Variants in FSTL5 observed in about 807,000 individuals in gnomAD.
The protein encoded by FSTL5 is follistatin like 5.
In FSTL5, 62 loss-of-function variants were observed where a neutral mutation model predicts 89.1. The ratio of observed to expected loss-of-function variants is 0.70; its 90% CI spans 0.57 to 0.86. The LOEUF is 0.86. Ranked by LOEUF, FSTL5 falls within the 40% of genes least tolerant of loss-of-function variation. The pLI is 0.00. For missense variants in FSTL5, 1,057 were observed against 1,001.6 expected (o/e 1.06, Z -0.75); for synonymous variants, 383 against 346.2 (o/e 1.11, Z -1.18).
intron 4 of FSTL5, among the ~76,000 whole-genome samples, chr4:161,811,803 A>G (rs527472135): frequency 1.3e-5 from 2 of 152,310 alleles, no homozygotes; most frequent in African/African-American, 4.8e-5. Flanking sequence ...GTGCCTTAGC[A>G]TCAAATATTT....
At chr4:162,115,504 T>G (rs1039977465) in intron 1 of FSTL5, among the ~76,000 whole-genome samples, 1 of 152,204 alleles carries the variant, frequency 6.6e-6, no homozygotes, top group Non-Finnish European at 1.5e-5. Context: ...ATTGGCAGTT[T>G]GTTGACAGCT....
At chr4:161,440,325 T>G (rs2126365660) in intron 15 of FSTL5, among the ~76,000 whole-genome samples, 1 of 152,080 alleles carries the variant, frequency 6.6e-6, no homozygotes, top group Non-Finnish European at 1.5e-5. Context: ...GTGTCCAAAC[T>G]TTTGGCTTCC....
intron 2 of FSTL5, among the ~76,000 whole-genome samples, chr4:162,073,933 T>C (rs1729730607): frequency 6.6e-6 from 1 of 151,792 alleles, no homozygotes; most frequent in African/African-American, 2.4e-5. Context: ...CTTTTCAGCT[T>C]GGCAATAGGA....
chr4:162,068,981 A>T (rs984611504), intron 2 of FSTL5, among the ~76,000 whole-genome samples: 4 of 152,146 alleles, frequency 2.6e-5, no homozygotes, highest in Non-Finnish European at 5.9e-5. Flanking sequence ...ATGGAAATCA[A>T]AACCACAATG....
At chr4:161,942,734 T>C (rs1167050968) in intron 3 of FSTL5, among the ~76,000 whole-genome samples, 1 of 152,156 alleles carries the variant, frequency 6.6e-6, no homozygotes, top group African/African-American at 2.4e-5. Flanking sequence ...TGCAAAATCT[T>C]AATCCTTGTT....
chr4:161,619,648 C>T (rs948460505), intron 7 of FSTL5, among the ~76,000 whole-genome samples: 5 of 152,132 alleles, frequency 3.3e-5, no homozygotes, highest in Admixed American at 2.6e-4. Context: ...GATACCATCT[C>T]ACACCAGTTA....
intron 4 of FSTL5, among the ~76,000 whole-genome samples, chr4:161,808,081 T>G (rs1354842827): frequency 6.6e-6 from 1 of 151,876 alleles, no homozygotes; most frequent in Non-Finnish European, 1.5e-5. Flanking sequence ...TTTCAACAAA[T>G]GTAAAGGATA....
At chr4:162,082,733 T>C (rs911787276) in intron 2 of FSTL5, among the ~76,000 whole-genome samples, 2 of 151,644 alleles carry the variant, frequency 1.3e-5, no homozygotes, top group Non-Finnish European at 3.0e-5. Flanking sequence ...GTATATTAAA[T>C]ATAAACATAT....
chr4:161,979,670 C>A (rs1243445012), intron 3 of FSTL5, among the ~76,000 whole-genome samples: 1 of 152,012 alleles, frequency 6.6e-6, no homozygotes, highest in Non-Finnish European at 1.5e-5. Context: ...CAAAGGGGTA[C>A]CCATAACACT....
chr4:161,800,247 A>C (rs915876519), intron 4 of FSTL5, among the ~76,000 whole-genome samples: 1 of 151,670 alleles, frequency 6.6e-6, no homozygotes, highest in Non-Finnish European at 1.5e-5. Context: ...TTAATTTCAC[A>C]TAATGGGATA....
chr4:161,628,450 G>A (rs1242124508), intron 7 of FSTL5, among the ~76,000 whole-genome samples: 1 of 151,854 alleles, frequency 6.6e-6, no homozygotes, highest in Non-Finnish European at 1.5e-5. Context: ...ACGGCTTAAA[G>A]GAAACACACA....
At position 161,783,726 on chromosome 4, in the gene FSTL5, CTTTTCTTTT is replaced by C. The variant is rs1741774314; in HGVS notation, c.410-7661_410-7653del. ...TTCTTTCTTTCTTTCTTTCTTTCTT[CTTTTCTTTT>C]CTTTCTTTCTTTCTTTCTTTCTTTC... is the stretch of plus-strand genomic sequence containing the variant. On this transcript the variant is annotated intron_variant, in intron 4 of 15. Coordinates refer to ENST00000306100, the MANE Select transcript of FSTL5 (RefSeq NM_020116.5). Among the ~76,000 whole-genome samples, 2 of 16,226 alleles carry C rather than the reference CTTTTCTTTT, an allele frequency of 1.2e-4. 1 individual carries two copies. The highest frequency in any genetic ancestry group is 2.2e-4 in the Non-Finnish European group (2 of 9,048). The allele number at this position is 16,226 out of a possible 152,430, so 10.6% of individuals were successfully genotyped here. A position where few individuals can be genotyped will look rare whatever the true frequency, so the allele number is the denominator to read the frequency against.
At chr4:161,924,423 G>A (rs78900917) in intron 3 of FSTL5, among the ~76,000 whole-genome samples, 4,885 of 150,986 alleles carry the variant, frequency 0.032, 163 homozygotes, top group East Asian at 0.16. Context: ...TACTTATAGA[G>A]TGTATCTAAA....
At chr4:161,586,018 C>T (rs921751557) in intron 8 of FSTL5, among the ~76,000 whole-genome samples, 14 of 152,182 alleles carry the variant, frequency 9.2e-5, no homozygotes, top group African/African-American at 3.4e-4. Context: ...GATCTGCTCC[C>T]CTGGAGCGTC....
chr4:162,071,036 C>T (rs925689075), intron 2 of FSTL5, among the ~76,000 whole-genome samples: 1 of 151,452 alleles, frequency 6.6e-6, no homozygotes, highest in Non-Finnish European at 1.5e-5. Context: ...TATAGAAATC[C>T]ATCAACCCAC....
intron 8 of FSTL5, among the ~76,000 whole-genome samples, chr4:161,559,403 A>C (rs1385440823): frequency 6.8e-6 from 1 of 147,648 alleles, no homozygotes; most frequent in African/African-American, 2.5e-5. Context: ...TTTTTTTCTT[A>C]CTTTTCTTCA....
Position 162,141,893 on chromosome 4 carries a change from A to G in FSTL5, c.-17+21722T>C, listed in dbSNP as rs567441063. ...GGTAGAAAGAAGTGTACACAGGTAG[A>G]AAAAAGTGTACACAGGTAGAAAAAA... On this transcript the variant is annotated intron_variant, in intron 1 of 15. Transcript: ENST00000306100. 2.9e-3 allele frequency among the ~76,000 whole-genome samples: 433 copies of G among 146,992 alleles called. 3 individuals are homozygous for G. The highest frequency in any genetic ancestry group is 9.9e-3 in the African/African-American group (403 of 40,520).
intron 3 of FSTL5, among the ~76,000 whole-genome samples, chr4:162,001,881 T>C (rs773941421): frequency 3.3e-5 from 5 of 152,156 alleles, no homozygotes; most frequent in Non-Finnish European, 7.4e-5. Context: ...ATTCTGTGTG[T>C]AATCAGGGAT....
intron 4 of FSTL5, among the ~76,000 whole-genome samples, chr4:161,827,185 C>T (rs1251833780): frequency 6.6e-6 from 1 of 152,138 alleles, no homozygotes; most frequent in Non-Finnish European, 1.5e-5. Context: ...CCTAGGAATG[C>T]GGCTTCCTGA....
Sources: gnomAD v4.1 joint callset for allele counts (sites outside exome capture counted in the v4.1 genomes callset) on GRCh38, gnomAD v4.1.1 for gene constraint, MANE v1.5 for transcripts, NCBI Gene and HGNC (gene_info 2026-07-23, HGNC 2026-07-21) for gene names.